Variants in ZBTB16 observed in about 807,000 individuals in gnomAD.
The protein encoded by ZBTB16 is zinc finger and BTB domain-containing protein 16.
A neutral mutation model predicts 56.8 loss-of-function variants in ZBTB16; 8 were observed. The observed-to-expected ratio is 0.14, with a 90% CI of 0.08 to 0.25. The LOEUF (loss-of-function observed/expected upper bound fraction) is 0.25, where lower values mean the gene tolerates loss of function less well. ZBTB16 is among the 10% of genes least tolerant of loss of function. The pLI is 1.00. For synonymous variants in ZBTB16, 363 were observed against 368.5 expected, an observed-to-expected ratio of 0.98 and a Z score of 0.17; for missense variants, 625 against 903.0, an observed-to-expected ratio of 0.69 and a Z score of 3.95.
At chr11:114,185,657 C>G (rs769519269) in intron 3 of ZBTB16, among the ~76,000 whole-genome samples, 1 of 152,140 alleles carries the variant, frequency 6.6e-6, no homozygotes, top group Non-Finnish European at 1.5e-5. Context: ...CTGAGTGTGA[C>G]GCAGCAAGGG....
chr11:114,125,307 C>T (rs1941475358), intron 2 of ZBTB16, among the ~76,000 whole-genome samples: 1 of 152,192 alleles, frequency 6.6e-6, no homozygotes, highest in Non-Finnish European at 1.5e-5. Context: ...ACCCATATCA[C>T]CTTACCCATT....
At chr11:114,183,975 G>T (rs1943308820) in intron 3 of ZBTB16, among the ~76,000 whole-genome samples, 1 of 152,250 alleles carries the variant, frequency 6.6e-6, no homozygotes, top group South Asian at 2.1e-4. Context: ...ATGCCCTGTG[G>T]CGTGAAGGGA....
At position 114,157,638 on chromosome 11, in the gene ZBTB16, C is replaced by T. The variant is rs78769747; in HGVS notation, c.1366+1204C>T. Among the ~76,000 whole-genome samples the T allele has an allele frequency of 1.7e-3, 259 of 152,330 alleles. 3 individuals carry two copies. The highest frequency in any genetic ancestry group is 6.0e-3 in the African/African-American group (249 of 41,566). ...TACAGTCGTGGAAGTGCTCTTCGTTCGCTTTTTCTGCTTCAGCTCCCCACT... is the reference window on the plus strand; with the variant it reads ...TACAGTCGTGGAAGTGCTCTTCGTTTGCTTTTTCTGCTTCAGCTCCCCACT... On this transcript the variant is annotated intron_variant, in intron 3 of 6. Coordinates refer to ENST00000335953, the MANE Select transcript of ZBTB16 (RefSeq NM_006006.6).
At chr11:114,079,690 T>TA (rs1256243360) in intron 2 of ZBTB16, among the ~76,000 whole-genome samples, 6 of 152,198 alleles carry the variant, frequency 3.9e-5, no homozygotes, top group African/African-American at 1.4e-4. Context: ...CTGTTGACTA[T>TA]AGTGAGTGAT....
intron 3 of ZBTB16, among the ~76,000 whole-genome samples, chr11:114,176,007 G>T (rs546458165): frequency 6.8e-6 from 1 of 146,510 alleles, no homozygotes; most frequent in Non-Finnish European, 1.5e-5. Context: ...GTGTGCGTGC[G>T]TGTGTGTGTG....
intron 5 of ZBTB16, among the ~76,000 whole-genome samples, chr11:114,243,670 C>T (rs1944758257): frequency 6.6e-6 from 1 of 152,230 alleles, no homozygotes; most frequent in Non-Finnish European, 1.5e-5. Context: ...AGCATTTCCC[C>T]TGCAGCTATA....
At chr11:114,196,409 C>A (rs375513800) in intron 4 of ZBTB16, among the ~76,000 whole-genome samples, 1 of 33,916 alleles carries the variant, frequency 2.9e-5, no homozygotes, top group Non-Finnish European at 5.7e-5. Flanking sequence ...GAGGCAAGGT[C>A]ATTCCTAGGT....
Position 114,143,660 on chromosome 11 carries a change from A to G in ZBTB16, c.1269-12677A>G, listed in dbSNP as rs767837512. Among the ~76,000 whole-genome samples the G allele has an allele frequency of 2.0e-5, 3 of 152,190 alleles. No individual in the cohort carries two copies. Among genetic ancestry groups the G allele is most frequent in the Non-Finnish European group, 4.4e-5 (3 of 68,032 alleles). On this transcript the variant is annotated intron_variant, in intron 2 of 6. Coordinates refer to ENST00000335953, the MANE Select transcript of ZBTB16 (RefSeq NM_006006.6). The surrounding 1 kb of genome is among the most constrained non-coding windows in gnomAD (Gnocchi z 6.4). ...GTCAGTGTATTGTAAGAGTGGGGCC[A>G]ACGTCCTTGTGCATTGAGGCTCCAG...
chr11:114,154,969 A>T (rs1330273855), intron 2 of ZBTB16, among the ~76,000 whole-genome samples: 1 of 152,230 alleles, frequency 6.6e-6, no homozygotes, highest in South Asian at 2.1e-4. Context: ...GTCTTGACAC[A>T]CTGCTGGGTT....
chr11:114,111,099 C>T (rs190783469), intron 2 of ZBTB16, among the ~76,000 whole-genome samples: 5 of 151,814 alleles, frequency 3.3e-5, no homozygotes, highest in African/African-American at 1.2e-4. Flanking sequence ...AAAGCAGTGA[C>T]ATGTTTTTGC....
chr11:114,214,640 G>C (rs1944059697), intron 4 of ZBTB16, among the ~76,000 whole-genome samples: 1 of 152,036 alleles, frequency 6.6e-6, no homozygotes, highest in Non-Finnish European at 1.5e-5. Flanking sequence ...GTCTTGCTCT[G>C]TCGCCCATCC....
At chr11:114,205,184 C>T (rs1201258814) in intron 4 of ZBTB16, among the ~76,000 whole-genome samples, 1 of 151,866 alleles carries the variant, frequency 6.6e-6, no homozygotes, top group Non-Finnish European at 1.5e-5. Context: ...CCGAGGTGGG[C>T]GGATCACGAG....
At chr11:114,141,742 G>A (rs1372532532) in intron 2 of ZBTB16, among the ~76,000 whole-genome samples, 9 of 152,166 alleles carry the variant, frequency 5.9e-5, no homozygotes, top group Non-Finnish European at 2.9e-5. Flanking sequence ...GTGGTATCAG[G>A]CTCTGCCACT....
rs1000012776 is a variant in ZBTB16, at chr11:114,091,997, C to A, written c.1268+27429C>A. On this transcript the variant is annotated intron_variant, in intron 2 of 6. Transcript: ENST00000335953. ...GGGCCTCACCCTTTTGTCTTGCTGC[C>A]CCTCGGTGCCCAGTGGGCGTGGGCA... Among the ~76,000 whole-genome samples, 3 of 152,202 alleles carry A rather than the reference C, an allele frequency of 2.0e-5. No homozygotes were observed. The South Asian group carries it at 6.2e-4, about 32-fold the overall frequency.
chr11:114,175,652 G>A (rs1591751956), intron 3 of ZBTB16, among the ~76,000 whole-genome samples: 1 of 152,122 alleles, frequency 6.6e-6, no homozygotes, highest in East Asian at 1.9e-4. Flanking sequence ...AGATGCCAAA[G>A]AGATCTCAGC....
At chr11:114,151,438 CG>C (rs1942276272) in intron 2 of ZBTB16, among the ~76,000 whole-genome samples, 1 of 152,172 alleles carries the variant, frequency 6.6e-6, no homozygotes, top group Admixed American at 6.5e-5. Flanking sequence ...CATTCAAAGG[CG>C]GGAGAGAGCA....
chr11:114,124,580 A>G (rs1260286876), intron 2 of ZBTB16, among the ~76,000 whole-genome samples: 3 of 149,122 alleles, frequency 2.0e-5, no homozygotes, highest in Admixed American at 1.4e-4. Flanking sequence ...AAACAAAAAC[A>G]AAACAAAAAA....
At chr11:114,137,061 G>C (rs539026041) in intron 2 of ZBTB16, among the ~76,000 whole-genome samples, 2 of 152,266 alleles carry the variant, frequency 1.3e-5, no homozygotes, top group Admixed American at 6.5e-5. Flanking sequence ...TATGCATAGA[G>C]GGCCCAGGGA....
chr11:114,171,861 T>C (rs1591747105), intron 3 of ZBTB16, among the ~76,000 whole-genome samples: 1 of 152,180 alleles, frequency 6.6e-6, no homozygotes, highest in East Asian at 1.9e-4. Flanking sequence ...GAAGCAGAAA[T>C]GTGGTGTTTG....
Sources: allele counts gnomAD v4.1 joint callset (sites outside exome capture counted in the v4.1 genomes callset), GRCh38; gene constraint gnomAD v4.1.1; non-coding constraint Gnocchi (gnomAD v3.1); transcripts MANE v1.5; gene names NCBI Gene and HGNC (gene_info 2026-07-23, HGNC 2026-07-21).